EPHB1: variants seen among roughly 807,000 people sequenced by gnomAD.
EPHB1 encodes the protein ephrin type-B receptor 1.
In EPHB1, 30 loss-of-function variants were observed where a neutral mutation model predicts 94.4. The ratio of observed to expected loss-of-function variants is 0.32; its 90% CI spans 0.24 to 0.43. EPHB1 has a LOEUF of 0.43. Ranked by LOEUF, EPHB1 falls within the 20% of genes least tolerant of loss-of-function variation. The pLI, the probability that EPHB1 is intolerant of heterozygous loss-of-function variation, is 1.00. For missense variants in EPHB1, 1,055 were observed against 1,308.3 expected, an observed-to-expected ratio of 0.81 and a Z score of 2.99; for synonymous variants, 522 against 489.1, an observed-to-expected ratio of 1.07 and a Z score of -0.89.
intron 3 of EPHB1, among the ~76,000 whole-genome samples, chr3:135,078,685 A>G (rs1247439744): frequency 6.6e-6 from 1 of 152,250 alleles, no homozygotes; most frequent in African/African-American, 2.4e-5. Context: ...TGCTGTGCCC[A>G]GAGAAACCTA....
intron 1 of EPHB1, among the ~76,000 whole-genome samples, chr3:134,894,711 TC>T (rs1225615495): frequency 6.6e-6 from 1 of 152,210 alleles, no homozygotes; most frequent in Non-Finnish European, 1.5e-5. Flanking sequence ...CTTTTCAACA[TC>T]ACTACTTAGT....
intron 11 of EPHB1, among the ~76,000 whole-genome samples, chr3:135,196,428 T>A (rs970550605): frequency 2.0e-5 from 3 of 151,838 alleles, no homozygotes; most frequent in Admixed American, 6.6e-5. Flanking sequence ...GCAGGCATGG[T>A]AAGAAAGGAG....
intron 11 of EPHB1, among the ~76,000 whole-genome samples, chr3:135,193,700 G>A (rs1942521253): frequency 6.6e-6 from 1 of 152,224 alleles, no homozygotes; most frequent in Non-Finnish European, 1.5e-5. Flanking sequence ...AACAATAGCT[G>A]TGGCTACAGA....
chr3:135,192,951 G>A, intron 11 of EPHB1, 128 bp downstream of exon 11: 1 of 1,265,342 alleles, frequency 7.9e-7, no homozygotes, highest in Non-Finnish European at 1.1e-6. Flanking sequence ...CATTGGAGAT[G>A]TTAGCAGAGA....
intron 1 of EPHB1, among the ~76,000 whole-genome samples, chr3:134,904,862 A>T (rs1361414760): frequency 2.6e-5 from 4 of 152,130 alleles, no homozygotes; most frequent in Admixed American, 2.6e-4. Flanking sequence ...TTTTTGACAA[A>T]ATGTTCTTGT....
intron 1 of EPHB1, chr3:134,796,468 G>A (rs548024582): frequency 6.6e-6 from 1 of 152,332 alleles, no homozygotes; most frequent in East Asian, 1.9e-4. Context: ...GCCGGGAGTC[G>A]TCGGGCAGCG....
chr3:134,812,644 T>C (rs2036198445), intron 1 of EPHB1, among the ~76,000 whole-genome samples: 1 of 152,202 alleles, frequency 6.6e-6, no homozygotes, highest in South Asian at 2.1e-4. Context: ...ACCTGGATAA[T>C]ATGGTAAGTG....
intron 6 of EPHB1, among the ~76,000 whole-genome samples, chr3:135,161,023 A>G (rs562962506): frequency 6.6e-6 from 1 of 152,306 alleles, no homozygotes; most frequent in South Asian, 2.1e-4. Flanking sequence ...GATAGTTTTT[A>G]AGAAAAGAAG....
At chr3:134,899,097 T>C (rs192632656) in intron 1 of EPHB1, among the ~76,000 whole-genome samples, 2 of 152,270 alleles carry the variant, frequency 1.3e-5, no homozygotes, top group Admixed American at 6.5e-5. Context: ...CCCAGTGTGC[T>C]GGACTGTGGG....
chr3:135,217,819 G>T (rs749907713), intron 12 of EPHB1, among the ~76,000 whole-genome samples: 1 of 152,188 alleles, frequency 6.6e-6, no homozygotes, highest in Non-Finnish European at 1.5e-5. Flanking sequence ...GGAAAAAGCT[G>T]TCTGCACTTT....
chr3:134,967,727 A>G lies in EPHB1; in HGVS notation c.805+15675A>G, dbSNP rs191590348. Among the ~76,000 whole-genome samples, 204 of 152,352 alleles carry G rather than the reference A, an allele frequency of 1.3e-3. 2 individuals carry two copies. The highest frequency in any genetic ancestry group is 9.5e-3 in the South Asian group (46 of 4,826). On this transcript the variant is annotated intron_variant, in intron 3 of 15. Transcript: ENST00000398015. ...ATTGCTTTTTCTTTATTAATTACCTAGTCTCAGGTTTTTAGTTATAACAAC... is the reference window on the plus strand; with the variant it reads ...ATTGCTTTTTCTTTATTAATTACCTGGTCTCAGGTTTTTAGTTATAACAAC...
intron 1 of EPHB1, among the ~76,000 whole-genome samples, chr3:134,858,333 T>C (rs1335007264): frequency 6.6e-6 from 1 of 152,204 alleles, no homozygotes; most frequent in Admixed American, 6.5e-5. Flanking sequence ...CAGTGCTTTG[T>C]ATGTGTGTCT....
intron 1 of EPHB1, among the ~76,000 whole-genome samples, chr3:134,910,181 GC>G (rs1464447901): frequency 6.6e-5 from 10 of 152,312 alleles, no homozygotes; most frequent in African/African-American, 2.4e-4. Context: ...GCTGCAAGTA[GC>G]TTTTTGAGTG....
At chr3:134,979,552 C>T (rs1294512710) in intron 3 of EPHB1, among the ~76,000 whole-genome samples, 1 of 152,134 alleles carries the variant, frequency 6.6e-6, no homozygotes, top group Non-Finnish European at 1.5e-5. Context: ...TTACACTTTC[C>T]CATTTGCTTT....
chr3:134,800,926 G>T (rs74393909), intron 1 of EPHB1, among the ~76,000 whole-genome samples: 1 of 152,152 alleles, frequency 6.6e-6, no homozygotes, highest in African/African-American at 2.4e-5. Context: ...CTAGTAAGTG[G>T]CCAAGCCTGG....
intron 3 of EPHB1, among the ~76,000 whole-genome samples, chr3:135,059,062 A>C (rs1274650403): frequency 6.6e-6 from 1 of 152,264 alleles, no homozygotes; most frequent in Non-Finnish European, 1.5e-5. Context: ...ATTATCAAAT[A>C]AATCATATCA....
chr3:134,875,484 A>G (rs1388801044), intron 1 of EPHB1, among the ~76,000 whole-genome samples: 1 of 152,102 alleles, frequency 6.6e-6, no homozygotes, highest in Non-Finnish European at 1.5e-5. Flanking sequence ...GGAGCGGTTG[A>G]TGGCCTTTAG....
chr3:134,946,765 C>T (rs2039224055), intron 2 of EPHB1, among the ~76,000 whole-genome samples: 1 of 142,782 alleles, frequency 7.0e-6, no homozygotes, highest in Admixed American at 7.0e-5. Context: ...CTCTTGCTCC[C>T]TCTCTCACCA....
chr3:135,195,519 A>G (rs558134503), intron 11 of EPHB1, among the ~76,000 whole-genome samples: 6 of 149,696 alleles, frequency 4.0e-5, no homozygotes, highest in Non-Finnish European at 5.9e-5. Context: ...AGAGTGTGAT[A>G]TTCCCCTTCC....
Sources: allele counts gnomAD v4.1 joint callset (sites outside exome capture counted in the v4.1 genomes callset), GRCh38; gene constraint gnomAD v4.1.1; transcripts MANE v1.5; gene names NCBI Gene and HGNC (gene_info 2026-07-23, HGNC 2026-07-21).